TMEM230: variants seen among roughly 807,000 people sequenced by gnomAD.
TMEM230 encodes the protein transmembrane protein 230, also known as UPF0414 transmembrane protein C20orf30.
TMEM230 carries 10 observed loss-of-function variants against 15.8 expected under a neutral mutation model. The ratio of observed to expected loss-of-function variants is 0.63; its 90% CI spans 0.39 to 1.07. TMEM230 has a LOEUF of 1.07. TMEM230 is among the 50% of genes least tolerant of loss of function. The probability of loss-of-function intolerance (pLI) is 0.01; values close to 1 mark genes in which losing one functional copy is unlikely to be tolerated. For missense variants in TMEM230, 165 were observed against 193.3 expected (o/e 0.85, Z 0.87); for synonymous variants, 67 against 76.9 (o/e 0.87, Z 0.68).
chr20:5,077,573 C>T (rs1224768765), intron 3 of TMEM230, among the ~76,000 whole-genome samples: 3 of 137,632 alleles, frequency 2.2e-5, no homozygotes, highest in Non-Finnish European at 5.1e-5. Flanking sequence ...GTGGCGCACA[C>T]CTGTAATCCC....
rs139206970 is a variant in TMEM230, at chr20:5,069,852, T to C, written c.223-503A>G. ...AGCCACCCAGGTGGCTGGGATTACA[T>C]GCATGCACCACCACATCTGGCTAAT... On this transcript the variant is annotated intron_variant, in intron 3 of 3. Coordinates refer to the TMEM230 transcript ENST00000612323. 7.4e-3 allele frequency among the ~76,000 whole-genome samples: 1,128 copies of C among 152,244 alleles called. 6 individuals carry two copies. Among genetic ancestry groups the C allele is most frequent in the Middle Eastern group, 0.02 (6 of 294 alleles).
intron 3 of TMEM230, among the ~76,000 whole-genome samples, chr20:5,072,173 G>A (rs1263565346): frequency 2.0e-5 from 3 of 152,042 alleles, no homozygotes; most frequent in Non-Finnish European, 4.4e-5. Flanking sequence ...ACCTCAGCCG[G>A]CTGAGTAGCC....
intron 3 of TMEM230, among the ~76,000 whole-genome samples, chr20:5,092,259 T>C (rs1342484942): frequency 1.3e-5 from 2 of 152,176 alleles, no homozygotes; most frequent in Non-Finnish European, 2.9e-5. Flanking sequence ...AAGATCATCT[T>C]GAGTCGATGT....
At chr20:5,079,116 G>A (rs1262684090) in intron 3 of TMEM230, among the ~76,000 whole-genome samples, 1 of 152,076 alleles carries the variant, frequency 6.6e-6, no homozygotes, top group Non-Finnish European at 1.5e-5. Flanking sequence ...TGCCTATGCA[G>A]AATCACCCTG....
Position 5,106,107 on chromosome 20 carries a change from A to G in TMEM230, c.411+81T>C, listed in dbSNP as rs1331079413. 4.2e-4 allele frequency: 637 copies of G among 1,528,176 alleles called. No individual in the cohort carries two copies. The African/African-American group carries it at 7.3e-3, about 17-fold the overall frequency. 94.7% of individuals were successfully genotyped at this position (1,528,176 alleles called of 1,614,324 possible). On this transcript the variant is annotated intron_variant, in intron 4 of 4. Coordinates refer to ENST00000342308, the MANE Select transcript of TMEM230 (RefSeq NM_001009923.2). ...CACACACACACACACACACACACAC[A>G]CACACACACACACGCACACTAGAGC... is the stretch of plus-strand genomic sequence containing the variant.
chr20:5,106,143 AT>A, intron 4 of TMEM230, 44 bp downstream of exon 3: 1 of 1,594,052 alleles, frequency 6.3e-7, no homozygotes, highest in Non-Finnish European at 8.5e-7. Context: ...CTTGGCTAAC[AT>A]TTTAAAAATC....
At chr20:5,069,330 C>A in exon 4 of TMEM230, 1 of 1,534,842 alleles carries the variant, frequency 6.5e-7, no homozygotes. Flanking sequence ...CTTTTGTTCC[C>A]GTGAGGTGGA....
chr20:5,105,324 A>C (rs954589706), intron 4 of TMEM230, among the ~76,000 whole-genome samples: 2 of 151,528 alleles, frequency 1.3e-5, no homozygotes, highest in South Asian at 4.2e-4. Context: ...GTATGTGTAT[A>C]TGTATATATA....
intron 3 of TMEM230, among the ~76,000 whole-genome samples, chr20:5,085,388 A>T (rs2089305243): frequency 6.6e-6 from 1 of 152,040 alleles, no homozygotes; most frequent in Non-Finnish European, 1.5e-5. Flanking sequence ...TCCTGGATTC[A>T]AATAATTCTC....
intron 3 of TMEM230, among the ~76,000 whole-genome samples, chr20:5,071,118 A>G (rs1338047995): frequency 1.3e-5 from 2 of 152,116 alleles, no homozygotes; most frequent in East Asian, 1.9e-4. Context: ...ATGTCCTTAG[A>G]TGCACCAGAA....
chr20:5,102,249 C>T (rs1216851280), intron 4 of TMEM230, among the ~76,000 whole-genome samples: 2 of 152,034 alleles, frequency 1.3e-5, no homozygotes, highest in African/African-American at 4.8e-5. Flanking sequence ...CTGTACCAGA[C>T]ATGAATATAA....
chr20:5,064,661 G>A (rs62200421), downstream of TMEM230, among the ~76,000 whole-genome samples: 13,979 of 152,040 alleles, frequency 0.092, 968 homozygotes, highest in Non-Finnish European at 0.13. Context: ...TCCAAAGGAA[G>A]TATAAGCAAA....
intron 3 of TMEM230, among the ~76,000 whole-genome samples, chr20:5,087,696 CT>C (rs561757286): frequency 2.8e-3 from 279 of 99,528 alleles, no homozygotes; most frequent in African/African-American, 3.0e-3. Flanking sequence ...GAAAGTATGG[CT>C]TTTTTTTTTT....
chr20:5,100,785 T>C lies in TMEM230; in HGVS notation c.*6A>G, dbSNP rs1245098414. 1.1e-5 allele frequency: 18 copies of C among 1,612,746 alleles called. No individual in the cohort carries two copies. The highest frequency in any genetic ancestry group is 1.4e-5 in the Non-Finnish European group (17 of 1,179,916). On this transcript the variant is annotated 3_prime_UTR_variant, in exon 5 of 5. Coordinates refer to ENST00000342308, the MANE Select transcript of TMEM230 (RefSeq NM_001009923.2). ...CTGTGACTCCTCCTCAGCTATGGGGTGGGTGCTAGTCATCAAAGTCTGGAA... is the reference window on the plus strand; with the variant it reads ...CTGTGACTCCTCCTCAGCTATGGGGCGGGTGCTAGTCATCAAAGTCTGGAA...
intron 3 of TMEM230, among the ~76,000 whole-genome samples, chr20:5,078,399 C>T (rs1232174306): frequency 1.3e-5 from 2 of 152,222 alleles, no homozygotes; most frequent in Non-Finnish European, 2.9e-5. Context: ...CCAGCAAATG[C>T]TAATCATTCA....
chr20:5,098,133 A>C (rs2089721680), downstream of TMEM230, among the ~76,000 whole-genome samples: 1 of 151,764 alleles, frequency 6.6e-6, no homozygotes, highest in Admixed American at 6.6e-5. Flanking sequence ...ATGTGTCACC[A>C]CGCCCAACTA....
intron 3 of TMEM230, among the ~76,000 whole-genome samples, chr20:5,085,246 G>A (rs1250750148): frequency 8.7e-5 from 13 of 150,040 alleles, no homozygotes. Context: ...CAATTCTCCT[G>A]TTCCATTTTT....
intron 3 of TMEM230, among the ~76,000 whole-genome samples, chr20:5,076,676 CTTTT>C (rs763498321): frequency 7.8e-6 from 1 of 127,474 alleles, no homozygotes; most frequent in Admixed American, 7.9e-5. Flanking sequence ...GATTGATATT[CTTTT>C]TTTTTTTTTT....
intron 4 of TMEM230, among the ~76,000 whole-genome samples, chr20:5,104,881 G>C (rs979245327): frequency 9.2e-5 from 14 of 152,336 alleles, no homozygotes; most frequent in East Asian, 1.9e-4. Flanking sequence ...GGAAAGGTAG[G>C]GGGGAATGGG....
Sources: gnomAD v4.1 joint callset for allele counts (sites outside exome capture counted in the v4.1 genomes callset) on GRCh38, gnomAD v4.1.1 for gene constraint, MANE v1.5 for transcripts, NCBI Gene and HGNC (gene_info 2026-07-23, HGNC 2026-07-21) for gene names.